PPP1R1C: variants seen among roughly 807,000 people sequenced by gnomAD.
PPP1R1C encodes protein phosphatase 1 regulatory inhibitor subunit 1C.
A neutral mutation model predicts 17.4 loss-of-function variants in PPP1R1C; 15 were observed. The observed-to-expected ratio is 0.86, with a 90% CI of 0.58 to 1.33. The LOEUF is 1.33. Ranked by LOEUF, PPP1R1C falls within the 40% of genes most tolerant of loss-of-function variation. PPP1R1C has a pLI of 0.00. For missense variants in PPP1R1C, 143 were observed against 130.0 expected (o/e 1.10, Z -0.48); for synonymous variants, 35 against 43.1 (o/e 0.81, Z 0.73).
chr2:181,987,811 A>T (rs756256529), intron 1 of PPP1R1C, 28 bp from the exon 2 acceptor site: 181 of 1,609,468 alleles, frequency 1.1e-4, no homozygotes, highest in Non-Finnish European at 1.5e-4. Flanking sequence ...ATACTCACTG[A>T]TATTAGCTGG....
Position 182,083,474 on chromosome 2 carries a change from C to A in PPP1R1C, c.241+19683C>A, listed in dbSNP as rs563528412. Among the ~76,000 whole-genome samples the A allele has an allele frequency of 3.3e-5, 5 of 152,240 alleles. No individual in the cohort carries two copies. In the South Asian group the frequency reaches 1.0e-3, roughly 32 times the overall value. On this transcript the variant is annotated intron_variant, in intron 4 of 4. Transcript: ENST00000682840. ...GTGGCATAATGTATACCCTTGTGGA[C>A]CTATAGCTTAGCTCCCTCTTGTAAT...
intron 2 of PPP1R1C, among the ~76,000 whole-genome samples, chr2:181,980,024 G>A (rs1345231015): frequency 2.6e-5 from 4 of 151,994 alleles, no homozygotes; most frequent in Admixed American, 6.6e-5. Flanking sequence ...TGATCATGGC[G>A]TCACCAGCTC....
chr2:182,034,722 A>G (rs1395884046), intron 2 of PPP1R1C, among the ~76,000 whole-genome samples: 1 of 152,238 alleles, frequency 6.6e-6, no homozygotes, highest in African/African-American at 2.4e-5. Flanking sequence ...TGGGCAGGCC[A>G]CAAGTAGATC....
At position 182,046,969 on chromosome 2, in the gene PPP1R1C, A is replaced by G. The variant is rs566659336; in HGVS notation, c.143-14473A>G. 4.6e-5 allele frequency among the ~76,000 whole-genome samples: 7 copies of G among 152,332 alleles called. No individual in the cohort carries two copies. In the East Asian group the frequency reaches 1.3e-3, roughly 29 times the overall value. Reference sequence around the variant, plus strand: ...GTTAGCGACCTATGTGGAAAAAAAAAGAAAACGTTTCTGTGAAGTAAAAAG... The same window carrying G: ...GTTAGCGACCTATGTGGAAAAAAAAGGAAAACGTTTCTGTGAAGTAAAAAG... On this transcript the variant is annotated intron_variant, in intron 2 of 4. Transcript: ENST00000682840.
chr2:182,022,518 T>C (rs994546358), intron 2 of PPP1R1C, among the ~76,000 whole-genome samples: 7 of 152,150 alleles, frequency 4.6e-5, no homozygotes, highest in African/African-American at 1.7e-4. Context: ...CAACTCAGAG[T>C]GGCTGTTTAC....
At chr2:182,040,577 T>C (rs1380819764) in intron 2 of PPP1R1C, among the ~76,000 whole-genome samples, 1 of 152,252 alleles carries the variant, frequency 6.6e-6, no homozygotes, top group Non-Finnish European at 1.5e-5. Context: ...ATGCATAGTT[T>C]GCAAATATTT....
chr2:182,096,578 T>C (rs1688944877), intron 4 of PPP1R1C, among the ~76,000 whole-genome samples: 1 of 152,230 alleles, frequency 6.6e-6, no homozygotes, highest in African/African-American at 2.4e-5. Context: ...AATGCGCTCC[T>C]ATTTTCTATC....
intron 4 of PPP1R1C, among the ~76,000 whole-genome samples, chr2:182,112,710 G>A (rs75269188): frequency 0.015 from 2,279 of 152,066 alleles, 34 homozygotes; most frequent in South Asian, 0.058. Flanking sequence ...GCAGATCAGA[G>A]ACCCCACTGA....
chr2:182,059,206 T>C (rs143541084), intron 2 of PPP1R1C, among the ~76,000 whole-genome samples: 62 of 152,280 alleles, frequency 4.1e-4, no homozygotes, highest in African/African-American at 1.4e-3. Context: ...CCAAGAAATT[T>C]CTTCTTTCAG....
intron 2 of PPP1R1C, among the ~76,000 whole-genome samples, chr2:182,032,688 G>C (rs948332204): frequency 6.6e-6 from 1 of 152,144 alleles, no homozygotes; most frequent in Non-Finnish European, 1.5e-5. Flanking sequence ...CTTACAAGCT[G>C]TGTGAGCTGC....
At chr2:182,070,510 C>A (rs1223995081) in intron 4 of PPP1R1C, among the ~76,000 whole-genome samples, 1 of 152,134 alleles carries the variant, frequency 6.6e-6, no homozygotes. Context: ...AAATCCCAAC[C>A]AAAATTACAT....
chr2:182,099,320 C>T (rs951699069), intron 4 of PPP1R1C, among the ~76,000 whole-genome samples: 1 of 152,106 alleles, frequency 6.6e-6, no homozygotes, highest in African/African-American at 2.4e-5. Flanking sequence ...AGAAGGGAAT[C>T]GACTTTGGGT....
rs552367258 is a variant in PPP1R1C at position 181,991,068 on chromosome 2, A to G, written c.142+3169A>G. ...ATAAAACATTCCAATTCATATGACA[A>G]GATCAGTGTACTGCAATCACTGTTA... On this transcript the variant is annotated intron_variant, in intron 2 of 4. Transcript: ENST00000682840. Among the ~76,000 whole-genome samples the G allele has an allele frequency of 3.3e-5, 5 of 152,298 alleles. No individual in the cohort carries two copies. The South Asian group carries it at 1.0e-3, about 32-fold the overall frequency.
At chr2:182,093,379 T>C (rs552006860) in intron 4 of PPP1R1C, among the ~76,000 whole-genome samples, 1 of 152,328 alleles carries the variant, frequency 6.6e-6, no homozygotes, top group Admixed American at 6.5e-5. Context: ...GCTCCAGGCC[T>C]GTGATGGGAA....
At chr2:181,960,101 C>T (rs778276045) in intron 1 of PPP1R1C, among the ~76,000 whole-genome samples, 1 of 152,094 alleles carries the variant, frequency 6.6e-6, no homozygotes, top group Non-Finnish European at 1.5e-5. Context: ...CATCTGCCCT[C>T]GATCCTTATC....
intron 1 of PPP1R1C, among the ~76,000 whole-genome samples, chr2:181,974,319 A>G (rs1000312522): frequency 2.6e-5 from 4 of 152,222 alleles, no homozygotes; most frequent in African/African-American, 9.7e-5. Flanking sequence ...TATCTATGTT[A>G]CATAAATTCC....
At chr2:181,985,647 T>A (rs1383724586), upstream of PPP1R1C, among the ~76,000 whole-genome samples, 1 of 152,180 alleles carries the variant, frequency 6.6e-6, no homozygotes, top group East Asian at 1.9e-4. This position sits in a 1 kb window ranked among gnomAD's most constrained non-coding sequence, Gnocchi z 4.1. Flanking sequence ...CTGCTTGATG[T>A]TCATCAATAA....
At chr2:181,969,241 T>C (rs1684960687) in intron 1 of PPP1R1C, among the ~76,000 whole-genome samples, 1 of 152,200 alleles carries the variant, frequency 6.6e-6, no homozygotes, top group Non-Finnish European at 1.5e-5. Flanking sequence ...GTCTTTTAAT[T>C]TTGTACTGGA....
chr2:181,973,409 A>G (rs920919640), intron 1 of PPP1R1C, among the ~76,000 whole-genome samples: 1 of 152,244 alleles, frequency 6.6e-6, no homozygotes, highest in Admixed American at 6.5e-5. Context: ...AAACTGAAGC[A>G]ACATAAGTCC....
Sources: allele counts gnomAD v4.1 joint callset (sites outside exome capture counted in the v4.1 genomes callset), GRCh38; gene constraint gnomAD v4.1.1; non-coding constraint Gnocchi (gnomAD v3.1); transcripts MANE v1.5; gene names NCBI Gene and HGNC (gene_info 2026-07-23, HGNC 2026-07-21).